Variants in ADAMTSL1 observed in about 807,000 individuals in gnomAD.
ADAMTSL1 encodes the protein ADAMTS like 1, also known as ADAMTS-like protein 1.
ADAMTSL1 carries 126 observed loss-of-function variants against 201.8 expected under a neutral mutation model. The ratio of observed to expected loss-of-function variants is 0.62; its 90% CI spans 0.54 to 0.72. The LOEUF (loss-of-function observed/expected upper bound fraction) is 0.72. Among genes scored for constraint, ADAMTSL1 ranks in the 30% least tolerant of loss-of-function variants. ADAMTSL1 has a pLI of 0.00. For synonymous variants in ADAMTSL1, 1,121 were observed against 903.4 expected (o/e 1.24, Z -4.32); for missense variants, 2,679 against 2,277.8 (o/e 1.18, Z -3.59).
chr9:18,813,609 T>A (rs1823648520), intron 20 of ADAMTSL1, among the ~76,000 whole-genome samples: 2 of 152,224 alleles, frequency 1.3e-5, no homozygotes, highest in Admixed American at 6.5e-5. Context: ...CCTTGATTAT[T>A]TTCAGGTAGT....
At chr9:18,469,651 T>G (rs1295885741), upstream of ADAMTSL1, among the ~76,000 whole-genome samples, 1 of 152,246 alleles carries the variant, frequency 6.6e-6, no homozygotes, top group Admixed American at 6.5e-5. Flanking sequence ...CCACCTTCCC[T>G]GATCCAGCTA....
chr9:18,532,707 A>G (rs762840912), intron 2 of ADAMTSL1, among the ~76,000 whole-genome samples: 37 of 151,726 alleles, frequency 2.4e-4, no homozygotes, highest in Non-Finnish European at 5.0e-4. Flanking sequence ...ACTACAGGGG[A>G]CTTCTTTTTT....
intron 16 of ADAMTSL1, among the ~76,000 whole-genome samples, chr9:18,768,438 A>G (rs940750459): frequency 7.8e-5 from 11 of 140,372 alleles, no homozygotes; most frequent in Non-Finnish European, 1.2e-4. Flanking sequence ...TGGATTGTTT[A>G]CCTCTCTGAG....
At chr9:18,557,228 G>T (rs1042563272) in intron 3 of ADAMTSL1, among the ~76,000 whole-genome samples, 10 of 151,972 alleles carry the variant, frequency 6.6e-5, no homozygotes, top group African/African-American at 2.2e-4. Flanking sequence ...AAGAAGATTT[G>T]CATTAATGGT....
intron 23 of ADAMTSL1, among the ~76,000 whole-genome samples, chr9:18,840,511 C>T (rs527270127): frequency 1.7e-4 from 26 of 152,202 alleles, no homozygotes; most frequent in Non-Finnish European, 2.4e-4. Flanking sequence ...GTTGACTTCG[C>T]GATGTGGGCT....
chr9:18,350,211 C>G (rs567777190), intron 2 of ADAMTSL1, among the ~76,000 whole-genome samples: 348 of 152,092 alleles, frequency 2.3e-3, no homozygotes, highest in Middle Eastern at 0.01. Context: ...CTCTTCATGC[C>G]ACTGCTCTGG....
intron 16 of ADAMTSL1, among the ~76,000 whole-genome samples, chr9:18,753,796 A>AT (rs1371058799): frequency 6.6e-6 from 1 of 152,148 alleles, no homozygotes; most frequent in African/African-American, 2.4e-5. Context: ...GCTAAGGAAA[A>AT]TTTTTTAAAA....
At chr9:18,607,190 T>G (rs1825075985) in intron 4 of ADAMTSL1, among the ~76,000 whole-genome samples, 1 of 152,214 alleles carries the variant, frequency 6.6e-6, no homozygotes, top group Non-Finnish European at 1.5e-5. Context: ...TCATCTCCCC[T>G]TTGATATGTA....
chr9:18,873,638 G>A (rs1404874314), intron 23 of ADAMTSL1, among the ~76,000 whole-genome samples: 2 of 152,044 alleles, frequency 1.3e-5, no homozygotes, highest in East Asian at 3.8e-4. Flanking sequence ...TGGGTCATCT[G>A]TTCTGTTCCA....
intron 2 of ADAMTSL1, among the ~76,000 whole-genome samples, chr9:18,177,580 A>G (rs528121033): frequency 1.5e-4 from 23 of 152,318 alleles, no homozygotes; most frequent in African/African-American, 5.3e-4. Flanking sequence ...TTTCCTTCTA[A>G]GTCATCCATG....
At chr9:17,987,259 C>T (rs1818966161) in intron 1 of ADAMTSL1, among the ~76,000 whole-genome samples, 1 of 152,014 alleles carries the variant, frequency 6.6e-6, no homozygotes. Context: ...CATCTTGTTT[C>T]CTTGTCCTGA....
intron 7 of ADAMTSL1, among the ~76,000 whole-genome samples, chr9:18,645,930 T>A (rs201702005): frequency 0.012 from 1,808 of 149,842 alleles, 42 homozygotes; most frequent in East Asian, 0.053. Flanking sequence ...GTGAAGAAAG[T>A]CATTGGTAGC....
At chr9:17,933,321 C>T (rs913427690) in intron 1 of ADAMTSL1, among the ~76,000 whole-genome samples, 6 of 152,222 alleles carry the variant, frequency 3.9e-5, no homozygotes, top group African/African-American at 1.4e-4. Flanking sequence ...GTCTCTGCAT[C>T]TCTCTTGTGA....
chr9:18,704,648 T>C (rs1445352216), intron 13 of ADAMTSL1, among the ~76,000 whole-genome samples: 3 of 152,212 alleles, frequency 2.0e-5, no homozygotes, highest in Non-Finnish European at 4.4e-5. Flanking sequence ...TAGGTGGATG[T>C]GGATGTGTAA....
intron 2 of ADAMTSL1, among the ~76,000 whole-genome samples, chr9:18,378,581 C>A (rs913570463): frequency 1.3e-5 from 2 of 152,192 alleles, no homozygotes; most frequent in Non-Finnish European, 2.9e-5. Flanking sequence ...ATTCCCCTGG[C>A]AATATCCCAT....
chr9:18,298,110 G>A (rs1018691980), intron 2 of ADAMTSL1, among the ~76,000 whole-genome samples: 14 of 152,310 alleles, frequency 9.2e-5, no homozygotes, highest in African/African-American at 3.4e-4. Flanking sequence ...GAGCTAGGAC[G>A]TATTCCCGGA....
chr9:18,908,477 G>GTCTCTC lies in ADAMTSL1; in HGVS notation c.5219_5220insCTCTCT (p.Val1740_Lys1741insSerLeu), dbSNP rs1192170552. ...AGACACCACCAGGTACTGCGAGAAG[G>GTCTCTC]TGAAACAGCTGAAACTCTGCCAACT... is the stretch of plus-strand genomic sequence containing the variant. On this transcript the variant is annotated inframe_insertion, in exon 29 of 29. Coordinates refer to ENST00000380548, the MANE Select transcript of ADAMTSL1 (RefSeq NM_001040272.6). 6.4e-7 allele frequency: 1 copy of GTCTCTC among 1,563,560 alleles called. No individual in the cohort carries two copies. The highest frequency in any genetic ancestry group is 8.7e-7 in the Non-Finnish European group (1 of 1,154,158).
At chr9:18,280,164 C>A (rs1832730968) in intron 2 of ADAMTSL1, among the ~76,000 whole-genome samples, 1 of 151,754 alleles carries the variant, frequency 6.6e-6, no homozygotes, top group Admixed American at 6.6e-5. Context: ...GAAAATGTAT[C>A]TGAGGTGGCT....
At chr9:18,173,139 T>A (rs1827979357) in intron 2 of ADAMTSL1, among the ~76,000 whole-genome samples, 1 of 152,162 alleles carries the variant, frequency 6.6e-6, no homozygotes, top group African/African-American at 2.4e-5. Context: ...TATTTCAGTG[T>A]GCTTTAATGA....
Sources: gnomAD v4.1 joint callset for allele counts (sites outside exome capture counted in the v4.1 genomes callset) on GRCh38, gnomAD v4.1.1 for gene constraint, MANE v1.5 for transcripts, NCBI Gene and HGNC (gene_info 2026-07-23, HGNC 2026-07-21) for gene names.